The following CHCHD1 variants were observed in gnomAD, a reference collection of about 807,000 sequenced individuals.
CHCHD1 encodes coiled-coil-helix-coiled-coil-helix domain containing 1.
A neutral mutation model predicts 12.7 loss-of-function variants in CHCHD1; 12 were observed. That is an observed-to-expected ratio of 0.95 (90% CI 0.61 to 1.53). CHCHD1 has a LOEUF of 1.53. Ranked by LOEUF, CHCHD1 falls within the 40% of genes most tolerant of loss-of-function variation. The pLI, the probability that CHCHD1 is intolerant of heterozygous loss-of-function variation, is 0.00. For synonymous variants in CHCHD1, 57 were observed against 62.4 expected (o/e 0.91, Z 0.41); for missense variants, 151 against 155.8 (o/e 0.97, Z 0.17).
chr10:73,783,446 T>C lies in CHCHD1; in HGVS notation c.*259T>C, dbSNP rs759467400. ...CCCTAGACCCTGGAAATTCTTTCCT[T>C]CCTGATTTGCCCTAGGAGCAGGACA... On this transcript the variant is annotated 3_prime_UTR_variant, in exon 3 of 3. Coordinates refer to ENST00000372833, the MANE Select transcript of CHCHD1 (RefSeq NM_203298.3). The C allele has an allele frequency of 1.1e-5, 4 of 371,316 alleles. No individual in the cohort carries two copies. The highest frequency in any genetic ancestry group is 2.0e-5 in the Non-Finnish European group (4 of 204,344). 23.0% of individuals were successfully genotyped at this position (371,316 alleles called of 1,614,324 possible).
In CHCHD1 at chr10:73,782,211, G is replaced by A; in HGVS notation, c.124+12G>A. ...CCGGGAGAAGGGCGGTGAGCAGTCGGAGTCAGGACGGCCCCGGAGCGGAAG... is the reference window on the plus strand; with the variant it reads ...CCGGGAGAAGGGCGGTGAGCAGTCGAAGTCAGGACGGCCCCGGAGCGGAAG... On this transcript the variant is annotated intron_variant, in intron 1 of 2. Coordinates refer to ENST00000372833, the MANE Select transcript of CHCHD1 (RefSeq NM_203298.3). 1.2e-6 allele frequency: 2 copies of A among 1,613,720 alleles called. No individual in the cohort carries two copies. Among genetic ancestry groups the A allele is most frequent in the Non-Finnish European group, 1.7e-6 (2 of 1,179,868 alleles).
chr10:73,782,945 C>T, intron 2 of CHCHD1, 129 bp from the exon 3 acceptor site: 1 of 749,856 alleles, frequency 1.3e-6, no homozygotes, highest in South Asian at 1.6e-5. Flanking sequence ...TGCTTTAGGG[C>T]ATTGTGAGAA....
rs2083111878 is a variant in CHCHD1 at position 73,783,242 on chromosome 10, G to C, written c.*55G>C. On this transcript the variant is annotated 3_prime_UTR_variant, in exon 3 of 3. Transcript: ENST00000372833. ...TATAGCTTCTGACAACTATGCAGAG[G>C]CATTTTAGAGACATTGGCATTGCCA... 2 of 1,348,180 alleles carry C rather than the reference G, an allele frequency of 1.5e-6. No individual in the cohort carries two copies. The highest frequency in any genetic ancestry group is 1.8e-5 in the Admixed American group (1 of 56,054). 83.5% of individuals were successfully genotyped at this position (1,348,180 alleles called of 1,614,324 possible). A position where few individuals can be genotyped will look rare whatever the true frequency, so the allele number is the denominator to read the frequency against.
In CHCHD1 at chr10:73,783,322, T is replaced by C; in HGVS notation, c.*135T>C. 1.6e-6 allele frequency: 1 copy of C among 616,764 alleles called. No individual in the cohort carries two copies. 38.2% of individuals were successfully genotyped at this position (616,764 alleles called of 1,614,324 possible). A position where few individuals can be genotyped will look rare whatever the true frequency, so the allele number is the denominator to read the frequency against. On this transcript the variant is annotated 3_prime_UTR_variant, in exon 3 of 3. Transcript: ENST00000372833. ...ACACTTTTTTCACCCTTTGGAATCA[T>C]AGTATGGGTAGAAGTTATGATTTAT...
At position 73,782,100 on chromosome 10, in the gene CHCHD1, C is replaced by T. The variant is rs952996944; in HGVS notation, c.25C>T (p.Arg9Cys). 2.5e-6 allele frequency: 4 copies of T among 1,613,228 alleles called. 1 individual carries two copies. Among genetic ancestry groups the T allele is most frequent in the Middle Eastern group, 1.7e-4 (1 of 6,008 alleles). ...TATGGCGACACCCAGCCTGCGGGGT[C>T]GTCTGGCGCGGTTTGGGAACCCGCG... MATPSLRG[R>C]LARFGNPRKP... is the part of the protein sequence containing the mutation. The change falls in exon 1 of 3, where the codon CGT (arginine) becomes TGT (cysteine). Residue 9 changes from arginine to cysteine, a missense_variant. Transcript: ENST00000372833.
chr10:73,782,671 T>C lies in CHCHD1; in HGVS notation c.243+230T>C. On this transcript the variant is annotated intron_variant, in intron 2 of 2. Coordinates refer to ENST00000372833, the MANE Select transcript of CHCHD1 (RefSeq NM_203298.3). ...TAAAATGAGGCTAACCAATACCACCTTAAAGAATGTTGTGAGTGTCAGATG... is the reference window on the plus strand; with the variant it reads ...TAAAATGAGGCTAACCAATACCACCCTAAAGAATGTTGTGAGTGTCAGATG... 5 of 1,119,986 alleles carry C rather than the reference T, an allele frequency of 4.5e-6. No individual in the cohort carries two copies. The South Asian group carries it at 9.0e-5, about 20-fold the overall frequency. The allele number at this position is 1,119,986 out of a possible 1,614,324, so 69.4% of individuals were successfully genotyped here.
At chr10:73,782,841 T>A (rs1413282126) in intron 2 of CHCHD1, 6 of 571,572 alleles carry the variant, frequency 1.0e-5, no homozygotes, top group Non-Finnish European at 1.8e-5. Flanking sequence ...GCTGAGATAG[T>A]AGCTTCTGAA....
rs761100560 is a variant in CHCHD1 at position 73,782,142 on chromosome 10, C to T, written c.67C>T (p.Pro23Ser). The part of the protein sequence containing the change: ...FGNPRKPVLK[P>S]NKPLILANRV... ...GAACCCGCGGAAGCCTGTGCTGAAG[C>T]CCAATAAACCTCTCATTCTAGCTAA... Residue 23 changes from proline to serine, a missense_variant, in exon 1 of 3, where the codon CCC becomes TCC. Pro to Ser is a moderately conservative substitution (Grantham distance 74). Coordinates refer to ENST00000372833, the MANE Select transcript of CHCHD1 (RefSeq NM_203298.3). 6.2e-7 allele frequency: 1 copy of T among 1,613,744 alleles called. No individual in the cohort carries two copies. Among genetic ancestry groups the T allele is most frequent in the East Asian group, 2.2e-5 (1 of 44,876 alleles).
chr10:73,782,253 G>T, intron 1 of CHCHD1, 54 bp downstream of exon 1: 1 of 1,610,828 alleles, frequency 6.2e-7, no homozygotes, highest in Non-Finnish European at 8.5e-7. Flanking sequence ...CATGAGCAGG[G>T]GCGGGTGGGT....
At position 73,783,165 on chromosome 10, in the gene CHCHD1, C is replaced by G. The variant is rs765015401; in HGVS notation, c.335C>G (p.Pro112Arg). ...NKLNKLLQRF[P>R]NKPYLS ...TTGAATAAGTTGTTACAGAGGTTTC[C>G]TAACAAACCTTACCTCAGCTGAAAA... Residue 112 changes from proline to arginine, a missense_variant, in exon 3 of 3, where the codon CCT (proline) becomes CGT (arginine). Physicochemically the swap from Pro to Arg is moderately radical, Grantham distance 103. Transcript: ENST00000372833. The G allele has an allele frequency of 1.2e-6, 2 of 1,612,794 alleles. No individual in the cohort carries two copies. Among genetic ancestry groups the G allele is most frequent in the African/African-American group, 2.7e-5 (2 of 74,906 alleles).
rs1427753142 is a variant in CHCHD1, at chr10:73,782,329, C to T, written c.131C>T (p.Thr44Ile). The T allele has an allele frequency of 1.9e-6, 3 of 1,613,898 alleles. No individual in the cohort carries two copies. The highest frequency in any genetic ancestry group is 2.5e-6 in the Non-Finnish European group (3 of 1,179,838). The change falls in exon 2 of 3, where the codon ACT becomes ATT. Residue 44 changes from threonine (T) to isoleucine (I), a missense_variant. Thr to Ile is a moderately conservative substitution (Grantham distance 89, BLOSUM62 -1). Transcript: ENST00000372833. ...GERRREKGEA[T>I]CITEMSVMMA... ...CCCGGATCTGCCCCTCCAGAGGCGACTTGCATCACGGAGATGTCGGTGATG... is the reference window on the plus strand; with the variant it reads ...CCCGGATCTGCCCCTCCAGAGGCGATTTGCATCACGGAGATGTCGGTGATG...
At position 73,782,194 on chromosome 10, in the gene CHCHD1, A is replaced by T. The variant is rs199513530; in HGVS notation, c.119A>T (p.Lys40Met). ...ANRVGERRRE[K>M]GEATCITEMS... ...CGCGTCGGGGAGCGGCGCCGGGAGA[A>T]GGGCGGTGAGCAGTCGGAGTCAGGA... The change falls in exon 1 of 3, where the codon AAG (lysine) becomes ATG (methionine). Residue 40 changes from lysine (K) to methionine (M), a missense_variant. Physicochemically the swap from Lys to Met is moderately conservative, Grantham distance 95. Transcript: ENST00000372833. The T allele has an allele frequency of 1.2e-6, 2 of 1,613,868 alleles. No homozygotes were observed. Among genetic ancestry groups the T allele is most frequent in the Admixed American group, 3.3e-5 (2 of 60,018 alleles).
rs1171060354 is a variant in CHCHD1 at position 73,782,059 on chromosome 10, C to T, written c.-17C>T. On this transcript the variant is annotated 5_prime_UTR_variant, in exon 1 of 3. Coordinates refer to ENST00000372833, the MANE Select transcript of CHCHD1 (RefSeq NM_203298.3). ...TCACGCACGGAACCGCAAAGCCTGC[C>T]GGGAGCTTGGTGCGCTATGGCGACA... is the stretch of plus-strand genomic sequence containing the variant. 6.2e-7 allele frequency: 1 copy of T among 1,612,208 alleles called. No individual in the cohort carries two copies. The highest frequency in any genetic ancestry group is 1.3e-5 in the African/African-American group (1 of 74,910).
Position 73,782,084 on chromosome 10 carries a change from AC to A in CHCHD1, c.12del (p.Ser5AlafsTer17). 1 of 1,613,104 alleles carries A rather than the reference AC, an allele frequency of 6.2e-7. No individual in the cohort carries two copies. The highest frequency in any genetic ancestry group is 8.5e-7 in the Non-Finnish European group (1 of 1,179,876). MATPSLRGRLARFG... is the reference protein window; with the variant it reads MATXSLRGRLARFG... ...CGGGAGCTTGGTGCGCTATGGCGAC[AC>A]CCAGCCTGCGGGGTCGTCTGGCGCG... On this transcript the variant is annotated frameshift_variant, in exon 1 of 3. Transcript: ENST00000372833. LOFTEE classifies it high-confidence loss of function.
At chr10:73,782,516 TGCTAGGAAAGG>T in intron 2 of CHCHD1, 75 bp downstream of exon 2, 1 of 1,599,576 alleles carries the variant, frequency 6.3e-7, no homozygotes, top group Non-Finnish European at 8.5e-7. Flanking sequence ...CCCTGCCTTT[TGCTAGGAAAGG>T]CCCTTTCATT....
In CHCHD1 at chr10:73,782,384, C is replaced by T; in HGVS notation, c.186C>T (p.Arg62=). Residue 62 remains arginine (R), a synonymous_variant, in exon 2 of 3, where the codon CGC becomes CGT. Coordinates refer to ENST00000372833, the MANE Select transcript of CHCHD1 (RefSeq NM_203298.3). ...CTTGCTGGAAGCAGAATGAATTCCG[C>T]GACGATGCGTGCAGAAAAGAGATCC... ...MMACWKQNEF[R]DDACRKEIQG... 2 of 1,614,182 alleles carry T rather than the reference C, an allele frequency of 1.2e-6. No individual in the cohort carries two copies. Among genetic ancestry groups the T allele is most frequent in the Non-Finnish European group, 8.5e-7 (1 of 1,180,032 alleles).
chr10:73,782,166 A>C lies in CHCHD1; in HGVS notation c.91A>C (p.Asn31His), dbSNP rs1366210337. 6.2e-7 allele frequency: 1 copy of C among 1,613,916 alleles called. No individual in the cohort carries two copies. The highest frequency in any genetic ancestry group is 8.5e-7 in the Non-Finnish European group (1 of 1,179,992). Residue 31 changes from asparagine to histidine, a missense_variant, in exon 1 of 3, where the codon AAC (asparagine) becomes CAC (histidine). Coordinates refer to ENST00000372833, the MANE Select transcript of CHCHD1 (RefSeq NM_203298.3). ...LKPNKPLILA[N>H]RVGERRREKG... ...GCCCAATAAACCTCTCATTCTAGCT[A>C]ACCGCGTCGGGGAGCGGCGCCGGGA...
intron 1 of CHCHD1, 25 bp downstream of exon 1, chr10:73,782,224 CCCGGAGCGGAAG>C: frequency 6.2e-7 from 1 of 1,612,858 alleles, no homozygotes; most frequent in South Asian, 1.1e-5. Context: ...TCAGGACGGC[CCCGGAGCGGAAG>C]CCGGAGCATG....
In CHCHD1 at chr10:73,783,176, T is replaced by TA; in HGVS notation, c.347dup (p.Tyr116Ter). 6.2e-7 allele frequency: 1 copy of TA among 1,610,414 alleles called. No individual in the cohort carries two copies. Among genetic ancestry groups the TA allele is most frequent in the Non-Finnish European group, 8.5e-7 (1 of 1,177,034 alleles). Residue 116 changes from tyrosine to a stop codon, truncating the protein, a stop_gained and frameshift_variant, in exon 3 of 3, where the codon TAC becomes TAAC. Transcript: ENST00000372833. LOFTEE classifies it high-confidence loss of function. The part of the protein sequence containing the change: ...KLLQRFPNKP[Y>*]LS ...GTTACAGAGGTTTCCTAACAAACCTTACCTCAGCTGAAAATGGACAAGTAT... is the reference window on the plus strand; with the variant it reads ...GTTACAGAGGTTTCCTAACAAACCTTAACCTCAGCTGAAAATGGACAAGTAT...
Sources: gnomAD v4.1 joint callset for allele counts on GRCh38, gnomAD v4.1.1 for gene constraint, MANE v1.5 for transcripts, NCBI Gene and HGNC (gene_info 2026-07-23, HGNC 2026-07-21) for gene names.